Variants in TUSC3 observed in about 807,000 individuals in gnomAD.
The protein encoded by TUSC3 is tumor suppressor candidate 3, also known as dolichyl-diphosphooligosaccharide--protein glycosyltransferase subunit TUSC3.
Under a neutral mutation model 44.8 loss-of-function variants are expected in TUSC3, and 45 were observed. The ratio of observed to expected loss-of-function variants is 1.00; its 90% confidence interval spans 0.79 to 1.29. TUSC3 has a LOEUF of 1.29. TUSC3 is among the 50% of genes most tolerant of loss of function. The pLI, the probability that TUSC3 is intolerant of heterozygous loss-of-function variation, is 0.00. For synonymous variants in TUSC3, 212 were observed against 152.9 expected, an observed-to-expected ratio of 1.39 and a Z score of -2.85; for missense variants, 519 against 437.9, an observed-to-expected ratio of 1.19 and a Z score of -1.65.
chr8:15,515,557 C>G (rs1801205210), intron 2 of TUSC3, among the ~76,000 whole-genome samples: 1 of 152,242 alleles, frequency 6.6e-6, no homozygotes, highest in South Asian at 2.1e-4. Flanking sequence ...GATTTGAAGA[C>G]TGTCAACACC....
At chr8:15,436,917 G>A (rs977907584) in intron 1 of TUSC3, among the ~76,000 whole-genome samples, 1 of 152,106 alleles carries the variant, frequency 6.6e-6, no homozygotes, top group Non-Finnish European at 1.5e-5. Flanking sequence ...ACATCTTGTT[G>A]ATAATTCAGA....
intron 2 of TUSC3, among the ~76,000 whole-genome samples, chr8:15,485,087 T>C (rs1373083327): frequency 6.6e-6 from 1 of 152,172 alleles, no homozygotes; most frequent in Non-Finnish European, 1.5e-5. Context: ...TCAAGAAATA[T>C]TTCTGAGTTC....
chr8:15,443,336 TTGTGTGTGTGTGTGTGTG>T (rs57905950), intron 1 of TUSC3, among the ~76,000 whole-genome samples: 65 of 132,996 alleles, frequency 4.9e-4, no homozygotes, highest in African/African-American at 1.6e-3. Context: ...ACCCACCTAA[TTGTGTGTGTGTGTGTGTG>T]TGTGTGTGTG....
chr8:15,817,452 A>G, the TUSC3 span, among the ~76,000 whole-genome samples: 7 of 152,146 alleles, frequency 4.6e-5, no homozygotes, highest in African/African-American at 1.7e-4. Context: ...CTCCACCTAA[A>G]TCTCATCCTG....
chr8:15,582,609 TG>T, intron 1 of TUSC3, among the ~76,000 whole-genome samples: 1 of 152,352 alleles, frequency 6.6e-6, no homozygotes, highest in Non-Finnish European at 1.5e-5. Flanking sequence ...GGGTCAATCT[TG>T]GCACACCCAG....
chr8:15,673,519 A>G (rs1042369203), intron 5 of TUSC3, among the ~76,000 whole-genome samples: 1 of 152,090 alleles, frequency 6.6e-6, no homozygotes, highest in Non-Finnish European at 1.5e-5. Context: ...TTATTAACAT[A>G]TTTCTTTAAC....
At chr8:15,695,691 A>G (rs1809129093) in intron 6 of TUSC3, among the ~76,000 whole-genome samples, 1 of 152,202 alleles carries the variant, frequency 6.6e-6, no homozygotes, top group Non-Finnish European at 1.5e-5. Context: ...GCTTTGATCA[A>G]AACGCTGATA....
intron 6 of TUSC3, among the ~76,000 whole-genome samples, chr8:15,696,532 G>A (rs549957271): frequency 3.9e-5 from 6 of 152,252 alleles, no homozygotes; most frequent in South Asian, 2.1e-4. Flanking sequence ...ACACCGCCTC[G>A]TAGAGATGTG....
chr8:15,667,470 T>C lies in TUSC3; in HGVS notation c.708+5174T>C, dbSNP rs1039148880. Among the ~76,000 whole-genome samples, 23 of 151,862 alleles carry C rather than the reference T, an allele frequency of 1.5e-4. 1 individual carries two copies. The highest frequency in any genetic ancestry group is 1.5e-3 in the Admixed American group (23 of 15,190). ...TACTCTGCTGATTTATACCACCTGTTTATTAAGTAATGTCATTAAATTACT... is the reference window on the plus strand; with the variant it reads ...TACTCTGCTGATTTATACCACCTGTCTATTAAGTAATGTCATTAAATTACT... On this transcript the variant is annotated intron_variant, in intron 5 of 10. Coordinates refer to ENST00000503731, the MANE Select transcript of TUSC3 (RefSeq NM_006765.4).
intron 1 of TUSC3, among the ~76,000 whole-genome samples, chr8:15,444,330 C>G (rs1800063198): frequency 6.6e-6 from 1 of 152,104 alleles, no homozygotes; most frequent in African/African-American, 2.4e-5. Context: ...CTGCAATGAG[C>G]TTTTGCAGTA....
At chr8:15,429,245 C>G (rs938231709) in intron 1 of TUSC3, among the ~76,000 whole-genome samples, 27 of 152,136 alleles carry the variant, frequency 1.8e-4, no homozygotes, top group African/African-American at 6.0e-4. Flanking sequence ...CCCATTTCTT[C>G]TTTTTGTCAG....
intron 7 of TUSC3, among the ~76,000 whole-genome samples, chr8:15,740,518 G>GAA (rs887658895): frequency 7.0e-6 from 1 of 142,242 alleles, no homozygotes. Flanking sequence ...AAAACGGGAG[G>GAA]AAAAAAAAAG....
At chr8:15,648,753 A>AAAAAAAAAAAAAAAAAAAC in intron 2 of TUSC3, among the ~76,000 whole-genome samples, 1 of 148,072 alleles carries the variant, frequency 6.8e-6, no homozygotes, top group African/African-American at 2.5e-5. Flanking sequence ...AAAAAAAAAA[A>AAAAAAAAAAAAAAAAAAAC]AAAGACATCT....
intron 1 of TUSC3, among the ~76,000 whole-genome samples, chr8:15,562,781 C>G (rs1802526382): frequency 6.6e-6 from 1 of 152,144 alleles, no homozygotes; most frequent in South Asian, 2.1e-4. Context: ...CAGTTCACAG[C>G]ATGGCTATTT....
intron 2 of TUSC3, among the ~76,000 whole-genome samples, chr8:15,501,665 G>T (rs10095606): frequency 0.91 from 138,297 of 152,166 alleles, 63,064 homozygotes; most frequent in Non-Finnish European, 0.94. Flanking sequence ...TTCGTCAGAG[G>T]CTACATATTA....
intron 10 of TUSC3, among the ~76,000 whole-genome samples, chr8:15,762,937 T>G (rs538952768): frequency 5.9e-4 from 90 of 152,178 alleles, no homozygotes; most frequent in African/African-American, 2.1e-3. Context: ...TATCGTACGC[T>G]TTATTCGTTA....
chr8:15,621,887 C>T lies in TUSC3; in HGVS notation c.139-1193C>T, dbSNP rs534112548. Among the ~76,000 whole-genome samples, 5 of 151,968 alleles carry T rather than the reference C, an allele frequency of 3.3e-5. No homozygotes were observed. The East Asian group carries it at 7.8e-4, about 24-fold the overall frequency. On this transcript the variant is annotated intron_variant, in intron 1 of 10. Transcript: ENST00000503731. ...CTCTGCAGGTTACTATGCTCTTTGG[C>T]CAGCTTACTTTCCTTCCCTTCCTCC...
At chr8:15,737,743 C>T (rs1303034720) in intron 7 of TUSC3, among the ~76,000 whole-genome samples, 2 of 152,138 alleles carry the variant, frequency 1.3e-5, no homozygotes, top group African/African-American at 2.4e-5. Context: ...TTTGGTCAGA[C>T]GTAGAATCTT....
At chr8:15,745,549 G>GAGTAATGATAATGAACATTTTTTC in intron 8 of TUSC3, among the ~76,000 whole-genome samples, 1 of 151,932 alleles carries the variant, frequency 6.6e-6, no homozygotes, top group Non-Finnish European at 1.5e-5. Context: ...TTTCTCTGCT[G>GAGTAATGATAATGAACATTTTTTC]AGTAATGATA....
Sources: gnomAD v4.1 joint callset for allele counts (sites outside exome capture counted in the v4.1 genomes callset) on GRCh38, gnomAD v4.1.1 for gene constraint, MANE v1.5 for transcripts, NCBI Gene and HGNC (gene_info 2026-07-23, HGNC 2026-07-21) for gene names.